DIAPH2: variants seen among roughly 807,000 people sequenced by gnomAD.
DIAPH2 encodes the protein diaphanous related formin 2, also known as protein diaphanous homolog 2.
In DIAPH2, 35 loss-of-function variants were observed where a neutral mutation model predicts 92.7. That is an observed-to-expected ratio of 0.38 (90% confidence interval 0.29 to 0.50). The LOEUF is 0.50. DIAPH2 is among the 20% of genes least tolerant of loss of function. The pLI is 0.94. For synonymous variants in DIAPH2, 301 were observed against 280.4 expected (o/e 1.07, Z -0.73); for missense variants, 701 against 819.5 (o/e 0.86, Z 1.77).
At chrX:97,504,596 T>A (rs2104687) in intron 26 of DIAPH2, among the ~76,000 whole-genome samples, 1 of 110,467 alleles carries the variant, frequency 9.1e-6, no homozygotes, top group African/African-American at 3.3e-5. Flanking sequence ...TCCATATAAA[T>A]GTCTGTGATA....
At chrX:97,394,236 TA>T (rs1233187839) in intron 25 of DIAPH2, among the ~76,000 whole-genome samples, 1 of 111,560 alleles carries the variant, frequency 9.0e-6, no homozygotes, top group African/African-American at 3.3e-5. Flanking sequence ...TAATATAAAT[TA>T]ATGAGGCAAT....
At chrX:96,925,895 A>G (rs1262173104) in intron 9 of DIAPH2, among the ~76,000 whole-genome samples, 1 of 111,742 alleles carries the variant, frequency 8.9e-6, no homozygotes, top group African/African-American at 3.3e-5. Context: ...TGGCTTGGAA[A>G]GTACTCCACT....
intron 23 of DIAPH2, among the ~76,000 whole-genome samples, chrX:97,327,138 G>A (rs1344524261): frequency 1.8e-5 from 2 of 111,632 alleles, no homozygotes; most frequent in African/African-American, 6.5e-5. Context: ...TCACTCTGTT[G>A]CCCAGGCTGG....
At chrX:97,233,922 A>T (rs2068027098) in intron 22 of DIAPH2, among the ~76,000 whole-genome samples, 1 of 111,634 alleles carries the variant, frequency 9.0e-6, no homozygotes, top group Non-Finnish European at 1.9e-5. Flanking sequence ...TCAACAGAAT[A>T]AACTTATATA....
intron 15 of DIAPH2, among the ~76,000 whole-genome samples, chrX:96,957,440 C>T (rs952005615): frequency 3.6e-5 from 4 of 111,821 alleles, no homozygotes; most frequent in Admixed American, 9.5e-5. Context: ...TTCTTCACAT[C>T]GCAGTAGCAA....
At chrX:97,591,325 G>T (rs753742601) in intron 26 of DIAPH2, among the ~76,000 whole-genome samples, 3 of 112,107 alleles carry the variant, frequency 2.7e-5, no homozygotes, top group South Asian at 3.7e-4. Flanking sequence ...AATATAGTTA[G>T]TTTCATGTTC....
intron 23 of DIAPH2, among the ~76,000 whole-genome samples, chrX:97,319,727 G>A (rs1223297542): frequency 9.0e-6 from 1 of 110,923 alleles, no homozygotes; most frequent in Non-Finnish European, 1.9e-5. Flanking sequence ...TTAGTGCCTA[G>A]TATAACACCT....
intron 1 of DIAPH2, among the ~76,000 whole-genome samples, chrX:96,724,178 C>A (rs1317748919): frequency 9.1e-6 from 1 of 110,344 alleles, no homozygotes; most frequent in Non-Finnish European, 1.9e-5. Context: ...CGCCCGCCTC[C>A]GCCTTCCAAA....
At chrX:97,206,096 T>C (rs1458198411) in intron 22 of DIAPH2, among the ~76,000 whole-genome samples, 2 of 109,678 alleles carry the variant, frequency 1.8e-5, no homozygotes, top group South Asian at 3.9e-4. Flanking sequence ...TAAGTGAGAG[T>C]TGAACAATGA....
rs200803395 is a variant in DIAPH2, at chrX:97,047,377, G to T, written c.2051-25564G>T. On this transcript the variant is annotated intron_variant, in intron 17 of 26. Transcript: ENST00000324765. ...GTTTAAGTGGAATGACATTTATGGT[G>T]GTTAGCCATGATTATAATGAATTTT... Among the ~76,000 whole-genome samples, 4 of 108,582 alleles carry T rather than the reference G, an allele frequency of 3.7e-5. No individual in the cohort carries two copies. In the East Asian group the frequency reaches 8.6e-4, roughly 23 times the overall value. The allele number at this position is 108,582 out of a possible 115,157, so 94.3% of individuals were successfully genotyped here.
intron 17 of DIAPH2, among the ~76,000 whole-genome samples, chrX:97,045,848 AT>A (rs758666786): frequency 0.27 from 17,175 of 64,209 alleles, 2,018 homozygotes; most frequent in Non-Finnish European, 0.35. Context: ...GTATTTTAGG[AT>A]TTTTTTTTTT....
intron 26 of DIAPH2, among the ~76,000 whole-genome samples, chrX:97,468,092 A>T (rs181593593): frequency 8.9e-6 from 1 of 111,954 alleles, no homozygotes; most frequent in African/African-American, 3.2e-5. Context: ...TAAAAAACAA[A>T]CAGAAGTAAA....
At chrX:97,598,351 T>C (rs952035925) in intron 26 of DIAPH2, among the ~76,000 whole-genome samples, 3 of 112,164 alleles carry the variant, frequency 2.7e-5, no homozygotes, top group Non-Finnish European at 5.6e-5. Flanking sequence ...TTGTGTGAAT[T>C]AGCAAATTAA....
intron 17 of DIAPH2, among the ~76,000 whole-genome samples, chrX:97,037,500 T>C (rs1350622616): frequency 3.6e-5 from 4 of 111,710 alleles, no homozygotes; most frequent in African/African-American, 1.3e-4. Flanking sequence ...TTTTATACCA[T>C]TTAGGAAGCA....
At chrX:97,449,593 G>C (rs1422208495) in intron 26 of DIAPH2, 1 of 505,099 alleles carries the variant, frequency 2.0e-6, no homozygotes, top group African/African-American at 2.6e-5. Context: ...GTTGGGAAGG[G>C]GTGGAGGAAG....
intron 24 of DIAPH2, among the ~76,000 whole-genome samples, chrX:97,370,597 T>C (rs1383485135): frequency 8.9e-6 from 1 of 112,042 alleles, no homozygotes; most frequent in African/African-American, 3.2e-5. Context: ...GATATTACCC[T>C]AAATATTTTG....
chrX:97,267,350 A>G (rs1353807801), intron 23 of DIAPH2, among the ~76,000 whole-genome samples: 1 of 111,855 alleles, frequency 8.9e-6, no homozygotes, highest in Admixed American at 9.5e-5. Flanking sequence ...CTCTTTTTGC[A>G]TAATATTTTA....
intron 26 of DIAPH2, among the ~76,000 whole-genome samples, chrX:97,479,244 C>T (rs778269482): frequency 9.7e-4 from 104 of 106,816 alleles, no homozygotes; most frequent in Non-Finnish European, 1.6e-3. Flanking sequence ...AGTTTATGGT[C>T]ATCAGAGAAT....
intron 4 of DIAPH2, among the ~76,000 whole-genome samples, chrX:96,828,008 G>C (rs1001031757): frequency 1.8e-5 from 2 of 111,698 alleles, no homozygotes; most frequent in African/African-American, 6.5e-5. Context: ...GACCTCAGGT[G>C]ATCCACCCAC....
Sources: allele counts gnomAD v4.1 joint callset (sites outside exome capture counted in the v4.1 genomes callset), GRCh38; gene constraint gnomAD v4.1.1; transcripts MANE v1.5; gene names NCBI Gene and HGNC (gene_info 2026-07-23, HGNC 2026-07-21).